Variants in ROBO2 observed in about 807,000 individuals in gnomAD.
The protein encoded by ROBO2 is roundabout guidance receptor 2, also known as roundabout homolog 2.
In ROBO2, 53 loss-of-function variants were observed where a neutral mutation model predicts 160.8. That is an observed-to-expected ratio of 0.33 (90% CI 0.26 to 0.41). The LOEUF (loss-of-function observed/expected upper bound fraction) is 0.41. Among genes scored for constraint, ROBO2 ranks in the 10% least tolerant of loss-of-function variants. The pLI, the probability that ROBO2 is intolerant of heterozygous loss-of-function variation, is 1.00. For synonymous variants in ROBO2, 664 were observed against 611.7 expected (o/e 1.09, Z -1.26); for missense variants, 1,577 against 1,722.4 (o/e 0.92, Z 1.49).
At chr3:76,828,876 G>GA (rs1000816268) in intron 2 of ROBO2, among the ~76,000 whole-genome samples, 35 of 147,278 alleles carry the variant, frequency 2.4e-4, no homozygotes, top group South Asian at 1.1e-3. Context: ...TTTACAGACA[G>GA]AAAAAAAAAA....
intron 2 of ROBO2, among the ~76,000 whole-genome samples, chr3:76,361,770 A>G (rs777947867): frequency 6.6e-6 from 1 of 152,044 alleles, no homozygotes; most frequent in Non-Finnish European, 1.5e-5. Flanking sequence ...AAAGAAACAC[A>G]CCGTGAAGTA....
chr3:76,869,706 A>T (rs1028462465), intron 2 of ROBO2, among the ~76,000 whole-genome samples: 2 of 152,150 alleles, frequency 1.3e-5, no homozygotes, highest in African/African-American at 4.8e-5. Context: ...TCAAGATTTT[A>T]AAATCCTTGA....
Position 75,994,277 on chromosome 3 carries a change from A to G in ROBO2, c.109+56675A>G, listed in dbSNP as rs547046114. Among the ~76,000 whole-genome samples the G allele has an allele frequency of 9.9e-5, 15 of 152,270 alleles. No individual in the cohort carries two copies. In the South Asian group the frequency reaches 2.7e-3, roughly 27 times the overall value. On this transcript the variant is annotated intron_variant, in intron 2 of 26. Coordinates refer to the ROBO2 transcript ENST00000487694. The stretch of plus-strand genomic sequence containing the variant: ...GCCTTATTTCATTCTTGTAATTTCA[A>G]AATTGTCATCACCCTGCAGACTTTT...
chr3:76,567,656 CAT>C (rs1345257489), intron 2 of ROBO2, among the ~76,000 whole-genome samples: 1,440 of 41,476 alleles, frequency 0.035, 70 homozygotes, highest in African/African-American at 0.083. Context: ...TATATATACA[CAT>C]ACACATATAT....
chr3:76,955,223 A>G (rs979725074), intron 2 of ROBO2, among the ~76,000 whole-genome samples: 1 of 152,216 alleles, frequency 6.6e-6, no homozygotes, highest in Admixed American at 6.5e-5. Flanking sequence ...ACTTGACGGA[A>G]TAATATTCTA....
At chr3:76,093,753 C>T (rs2069327304) in intron 2 of ROBO2, among the ~76,000 whole-genome samples, 1 of 151,760 alleles carries the variant, frequency 6.6e-6, no homozygotes, top group African/African-American at 2.4e-5. Context: ...ATGTTTATAT[C>T]AGAGAAATAA....
chr3:77,458,368 A>C (rs1044129693), intron 2 of ROBO2, among the ~76,000 whole-genome samples: 3 of 152,210 alleles, frequency 2.0e-5, no homozygotes, highest in African/African-American at 4.8e-5. Flanking sequence ...TGAATGTTTT[A>C]ATAACGGTGA....
intron 2 of ROBO2, among the ~76,000 whole-genome samples, chr3:76,555,700 T>C (rs1482601512): frequency 4.6e-5 from 7 of 152,168 alleles, no homozygotes; most frequent in Admixed American, 3.9e-4. Context: ...ACTAATAATT[T>C]TCTAAATGTA....
At chr3:76,468,980 T>C (rs1559998515) in intron 2 of ROBO2, among the ~76,000 whole-genome samples, 1 of 152,080 alleles carries the variant, frequency 6.6e-6, no homozygotes, top group Non-Finnish European at 1.5e-5. Flanking sequence ...ATATTCCAAA[T>C]AGAACTCATC....
At chr3:76,882,124 G>T (rs1196778092) in intron 2 of ROBO2, among the ~76,000 whole-genome samples, 1 of 151,358 alleles carries the variant, frequency 6.6e-6, no homozygotes, top group Non-Finnish European at 1.5e-5. Flanking sequence ...CTGTGTGTGT[G>T]TCTTTTGGGT....
In ROBO2 at chr3:76,261,874, A is replaced by G. The variant is rs17013922; in HGVS notation, c.109+324272A>G. On this transcript the variant is annotated intron_variant, in intron 2 of 26. Coordinates refer to the ROBO2 transcript ENST00000487694. Reference sequence around the variant, plus strand: ...AGACCATCATATAATTGGTGAAGAAAATGATATGAAAGTATTTTATAGAAC... The same window carrying G: ...AGACCATCATATAATTGGTGAAGAAGATGATATGAAAGTATTTTATAGAAC... Among the ~76,000 whole-genome samples the G allele has an allele frequency of 8.6e-3, 1,311 of 152,286 alleles. 11 individuals are homozygous for G. The highest frequency in any genetic ancestry group is 0.027 in the African/African-American group (1,120 of 41,588).
intron 2 of ROBO2, among the ~76,000 whole-genome samples, chr3:77,256,952 C>T (rs1356390348): frequency 6.6e-6 from 1 of 152,138 alleles, no homozygotes; most frequent in Non-Finnish European, 1.5e-5. Context: ...TGCTAATCCA[C>T]AAATTCTGTC....
intron 2 of ROBO2, among the ~76,000 whole-genome samples, chr3:76,389,366 T>C (rs2077040776): frequency 6.6e-6 from 1 of 152,156 alleles, no homozygotes; most frequent in African/African-American, 2.4e-5. Flanking sequence ...ATACAGACTA[T>C]GTTAAGAAAA....
intron 2 of ROBO2, among the ~76,000 whole-genome samples, chr3:76,136,177 G>A (rs1050890520): frequency 6.6e-6 from 1 of 151,950 alleles, no homozygotes; most frequent in African/African-American, 2.4e-5. Context: ...ATTTTTGGAA[G>A]GTATTATTGG....
chr3:76,299,931 G>A (rs1388057498), intron 2 of ROBO2, among the ~76,000 whole-genome samples: 1 of 152,110 alleles, frequency 6.6e-6, no homozygotes, highest in African/African-American at 2.4e-5. Context: ...ACATAACTGA[G>A]AGGAGCAATA....
intron 2 of ROBO2, among the ~76,000 whole-genome samples, chr3:76,732,461 G>T (rs1412881417): frequency 6.6e-6 from 1 of 152,050 alleles, no homozygotes; most frequent in African/African-American, 2.4e-5. Flanking sequence ...GAGGTGGCAG[G>T]GTAGGAGGCA....
chr3:76,820,075 A>G (rs2065984340), intron 2 of ROBO2, among the ~76,000 whole-genome samples: 1 of 152,114 alleles, frequency 6.6e-6, no homozygotes, highest in Non-Finnish European at 1.5e-5. Flanking sequence ...TCCTGGTTCA[A>G]TATCGCCCTG....
intron 2 of ROBO2, among the ~76,000 whole-genome samples, chr3:77,102,514 A>G (rs573172474): frequency 6.6e-6 from 1 of 152,344 alleles, no homozygotes; most frequent in South Asian, 2.1e-4. Context: ...TGTAGGACAT[A>G]AACATGTCAC....
At chr3:77,323,163 G>A (rs1456803044) in intron 2 of ROBO2, among the ~76,000 whole-genome samples, 1 of 148,730 alleles carries the variant, frequency 6.7e-6, no homozygotes, top group Non-Finnish European at 1.5e-5. Context: ...ATCAAATAGT[G>A]TTTTATCTGA....
Sources: gnomAD v4.1 joint callset for allele counts (sites outside exome capture counted in the v4.1 genomes callset) on GRCh38, gnomAD v4.1.1 for gene constraint, MANE v1.5 for transcripts, NCBI Gene and HGNC (gene_info 2026-07-23, HGNC 2026-07-21) for gene names.